NUBPL: variants seen among roughly 807,000 people sequenced by gnomAD.
The protein encoded by NUBPL is iron-sulfur cluster transfer protein NUBPL.
Under a neutral mutation model 45.7 loss-of-function variants are expected in NUBPL, and 31 were observed. The ratio of observed to expected loss-of-function variants is 0.68; its 90% CI spans 0.51 to 0.92. NUBPL has a LOEUF of 0.92. Ranked by LOEUF, NUBPL falls within the 40% of genes least tolerant of loss-of-function variation. The pLI, the probability that NUBPL is intolerant of heterozygous loss-of-function variation, is 0.00. For missense variants in NUBPL, 401 were observed against 398.7 expected, an observed-to-expected ratio of 1.01 and a Z score of -0.05; for synonymous variants, 144 against 140.9, an observed-to-expected ratio of 1.02 and a Z score of -0.15.
intron 8 of NUBPL, chr14:31,846,263 T>G (rs1331488997): frequency 6.0e-6 from 3 of 503,130 alleles, no homozygotes; most frequent in African/African-American, 5.7e-5. Flanking sequence ...CTTTTTAGCA[T>G]TTATTATGAT....
intron 6 of NUBPL, among the ~76,000 whole-genome samples, chr14:31,777,587 C>G (rs1378399941): frequency 3.9e-5 from 6 of 152,172 alleles, no homozygotes; most frequent in Non-Finnish European, 8.8e-5. Context: ...ATCATTAAGA[C>G]TTGTAGGGTG....
At chr14:31,667,455 C>G (rs1322461951) in intron 4 of NUBPL, among the ~76,000 whole-genome samples, 2 of 151,854 alleles carry the variant, frequency 1.3e-5, no homozygotes, top group African/African-American at 2.4e-5. Context: ...TTCCTGTAAC[C>G]TTTTATCAAG....
rs534720808 is a variant in NUBPL at position 31,859,281 on chromosome 14, A to G, written c.*101A>G. The G allele has an allele frequency of 1.1e-6, 1 of 925,278 alleles. No homozygotes were observed. The highest frequency in any genetic ancestry group is 1.8e-5 in the Admixed American group (1 of 54,702). The allele number at this position is 925,278 out of a possible 1,614,324, so 57.3% of individuals were successfully genotyped here. On this transcript the variant is annotated 3_prime_UTR_variant, in exon 11 of 11. Coordinates refer to ENST00000281081, the MANE Select transcript of NUBPL (RefSeq NM_025152.3). ...ACCTACAGAAATAATAGAAATCATAACTGTTTTATTTCTAAGGAAAGAATG... is the reference window on the plus strand; with the variant it reads ...ACCTACAGAAATAATAGAAATCATAGCTGTTTTATTTCTAAGGAAAGAATG...
intron 3 of NUBPL, among the ~76,000 whole-genome samples, chr14:31,580,926 C>G (rs1242559619): frequency 2.6e-5 from 4 of 152,056 alleles, no homozygotes; most frequent in Non-Finnish European, 5.9e-5. Flanking sequence ...GGATTTTTTT[C>G]TGTGTACAGT....
At chr14:31,690,909 G>A (rs1308314025) in intron 6 of NUBPL, among the ~76,000 whole-genome samples, 1 of 152,176 alleles carries the variant, frequency 6.6e-6, no homozygotes, top group Non-Finnish European at 1.5e-5. Context: ...AACTGTGCCA[G>A]GAAACAAATT....
chr14:31,645,716 A>G (rs1383322625), intron 4 of NUBPL, among the ~76,000 whole-genome samples: 1 of 152,012 alleles, frequency 6.6e-6, no homozygotes, highest in Non-Finnish European at 1.5e-5. Context: ...AACCTGGGTC[A>G]GATCACAAAG....
intron 4 of NUBPL, among the ~76,000 whole-genome samples, chr14:31,618,014 T>C (rs1034104918): frequency 6.6e-6 from 1 of 152,258 alleles, no homozygotes; most frequent in Admixed American, 6.5e-5. Context: ...GGAAGGTGTA[T>C]GTCCAGGAAT....
At chr14:31,792,658 A>T (rs2039403978) in intron 7 of NUBPL, among the ~76,000 whole-genome samples, 1 of 152,152 alleles carries the variant, frequency 6.6e-6, no homozygotes, top group African/African-American at 2.4e-5. Flanking sequence ...TAATTTTATA[A>T]TTATAAAAAA....
intron 7 of NUBPL, among the ~76,000 whole-genome samples, chr14:31,814,455 T>G (rs1165308664): frequency 6.6e-6 from 1 of 152,230 alleles, no homozygotes; most frequent in African/African-American, 2.4e-5. Flanking sequence ...ATGGATAGAT[T>G]GCAAAAATTT....
chr14:31,681,323 T>C (rs1414407160), intron 6 of NUBPL, among the ~76,000 whole-genome samples: 3 of 151,988 alleles, frequency 2.0e-5, no homozygotes, highest in Non-Finnish European at 4.4e-5. Flanking sequence ...AATTGTATAA[T>C]GTACACATGA....
intron 4 of NUBPL, among the ~76,000 whole-genome samples, chr14:31,647,313 T>C (rs1023789319): frequency 6.6e-6 from 1 of 152,260 alleles, no homozygotes; most frequent in African/African-American, 2.4e-5. Flanking sequence ...TATTCCAGTC[T>C]TCCGTCTCTG....
At chr14:31,818,619 G>T (rs2039965172) in intron 7 of NUBPL, among the ~76,000 whole-genome samples, 1 of 152,128 alleles carries the variant, frequency 6.6e-6, no homozygotes. Context: ...TGCGATCTCG[G>T]CTTACTGCAA....
intron 9 of NUBPL, 93 bp from the exon 10 acceptor site, chr14:31,850,023 TTCC>T: frequency 1.2e-6 from 1 of 863,492 alleles, no homozygotes; most frequent in Non-Finnish European, 1.9e-6. Context: ...ATCAATTTAG[TTCC>T]GATTTTGTTT....
chr14:31,608,028 A>C (rs542292002), intron 4 of NUBPL, among the ~76,000 whole-genome samples: 1 of 152,346 alleles, frequency 6.6e-6, no homozygotes, highest in East Asian at 1.9e-4. Flanking sequence ...ATGGAGCTCC[A>C]GTACCTCTGG....
At chr14:31,741,964 T>C (rs1324836984) in intron 6 of NUBPL, among the ~76,000 whole-genome samples, 1 of 152,032 alleles carries the variant, frequency 6.6e-6, no homozygotes, top group Non-Finnish European at 1.5e-5. Context: ...AACTGATTTT[T>C]TAAATATCCC....
intron 7 of NUBPL, among the ~76,000 whole-genome samples, chr14:31,807,339 T>C (rs1359975762): frequency 6.6e-6 from 1 of 152,088 alleles, no homozygotes; most frequent in Non-Finnish European, 1.5e-5. Context: ...TGGTATCTCA[T>C]TGTGGTTTTG....
At chr14:31,587,447 CGTA>C (rs2034023706) in intron 3 of NUBPL, among the ~76,000 whole-genome samples, 1 of 152,156 alleles carries the variant, frequency 6.6e-6, no homozygotes, top group South Asian at 2.1e-4. Context: ...ACGCCTGGCA[CGTA>C]GTGAGCATTC....
At chr14:31,680,528 C>T (rs1182519199) in intron 6 of NUBPL, among the ~76,000 whole-genome samples, 1 of 151,756 alleles carries the variant, frequency 6.6e-6, no homozygotes, top group Non-Finnish European at 1.5e-5. Context: ...GTTATTTATT[C>T]TCACTGATTT....
intron 6 of NUBPL, among the ~76,000 whole-genome samples, chr14:31,680,947 G>C (rs184990742): frequency 3.3e-5 from 5 of 152,194 alleles, no homozygotes; most frequent in Non-Finnish European, 7.4e-5. Context: ...TTGCTGGATT[G>C]AATTTGCTAG....
Sources: allele counts gnomAD v4.1 joint callset (sites outside exome capture counted in the v4.1 genomes callset), GRCh38; gene constraint gnomAD v4.1.1; transcripts MANE v1.5; gene names NCBI Gene and HGNC (gene_info 2026-07-23, HGNC 2026-07-21).